Variants in AGBL1 observed in about 807,000 individuals in gnomAD.
AGBL1 encodes the protein cytosolic carboxypeptidase 4.
Under a neutral mutation model 118.9 loss-of-function variants are expected in AGBL1, and 130 were observed. That is an observed-to-expected ratio of 1.09 (90% CI 0.95 to 1.26). The LOEUF (loss-of-function observed/expected upper bound fraction) is 1.26. Ranked by LOEUF, AGBL1 falls within the 50% of genes most tolerant of loss-of-function variation. AGBL1 has a pLI of 0.00. For synonymous variants in AGBL1, 555 were observed against 478.9 expected, an observed-to-expected ratio of 1.16 and a Z score of -2.08; for missense variants, 1,584 against 1,298.1, an observed-to-expected ratio of 1.22 and a Z score of -3.38.
At chr15:86,820,301 T>C (rs1406593767) in intron 22 of AGBL1, among the ~76,000 whole-genome samples, 1 of 152,066 alleles carries the variant, frequency 6.6e-6, no homozygotes, top group Non-Finnish European at 1.5e-5. Flanking sequence ...TGGGAACCAA[T>C]TAAACTAAAG....
intron 24 of AGBL1, among the ~76,000 whole-genome samples, chr15:87,013,346 T>A (rs1314858311): frequency 2.0e-5 from 3 of 152,160 alleles, no homozygotes; most frequent in Non-Finnish European, 4.4e-5. Context: ...TGGCATTGAG[T>A]GCATCCCAAG....
intron 1 of AGBL1, among the ~76,000 whole-genome samples, chr15:86,083,028 T>G (rs562880631): frequency 9.2e-5 from 14 of 152,354 alleles, no homozygotes; most frequent in African/African-American, 3.1e-4. Context: ...CTGTGAGGAT[T>G]AAGAGAATAC....
At chr15:86,145,114 T>C (rs2077015642) in intron 3 of AGBL1, among the ~76,000 whole-genome samples, 1 of 152,162 alleles carries the variant, frequency 6.6e-6, no homozygotes, top group Non-Finnish European at 1.5e-5. Context: ...CCTCTTTGTG[T>C]AAGGACATCA....
At position 86,264,334 on chromosome 15, in the gene AGBL1, C is replaced by T. The variant is rs779833653; in HGVS notation, c.1163C>T (p.Ala388Val). 13 of 1,612,612 alleles carry T rather than the reference C, an allele frequency of 8.1e-6. 2 individuals carry two copies. The South Asian group carries it at 1.3e-4, about 16-fold the overall frequency. The change falls in exon 11 of 23, where the codon GCT becomes GTT. Residue 388 changes from alanine to valine, a missense_variant. Physicochemically the swap from Ala to Val is moderately conservative, Grantham distance 64. Transcript: ENST00000614907. ...QYANHHHIPA[A>V]ASSKQHCYSK... ...GCCAATCACCACCACATTCCAGCCG[C>T]TGCCTCCTCAAAACAGCATTGCTAC... is the stretch of plus-strand genomic sequence containing the variant.
intron 4 of AGBL1, among the ~76,000 whole-genome samples, chr15:86,156,240 C>T (rs1391949529): frequency 1.3e-5 from 2 of 152,098 alleles, no homozygotes; most frequent in East Asian, 3.9e-4. Flanking sequence ...TTTTTGAAGG[C>T]TACAATTTGG....
chr15:86,126,871 G>A (rs1181254142), intron 1 of AGBL1, among the ~76,000 whole-genome samples: 2 of 152,144 alleles, frequency 1.3e-5, no homozygotes, highest in African/African-American at 2.4e-5. Flanking sequence ...TGAGATTCCT[G>A]GATATATTTG....
At chr15:86,308,310 G>A (rs2079870660) in intron 17 of AGBL1, among the ~76,000 whole-genome samples, 1 of 152,084 alleles carries the variant, frequency 6.6e-6, no homozygotes, top group Admixed American at 6.6e-5. Context: ...TCATATGGGT[G>A]GGGCCCTGAT....
intron 22 of AGBL1, among the ~76,000 whole-genome samples, chr15:86,691,051 AT>A (rs964663832): frequency 1.1e-4 from 16 of 151,438 alleles, no homozygotes; most frequent in East Asian, 3.9e-4. Context: ...AGTAGGTTGC[AT>A]TTTTTTTTCC....
intron 6 of AGBL1, among the ~76,000 whole-genome samples, chr15:86,236,929 G>A (rs1187577398): frequency 2.2e-5 from 1 of 45,408 alleles, no homozygotes; most frequent in Non-Finnish European, 5.2e-5. Flanking sequence ...GGGGATATGT[G>A]GGCGGGGGGG....
At chr15:87,028,712 T>G (rs1216620737) in intron 24 of AGBL1, 17 of 878,372 alleles carry the variant, frequency 1.9e-5, no homozygotes, top group African/African-American at 1.7e-4. Flanking sequence ...AATCCATAGA[T>G]GAGGAAAATG....
intron 22 of AGBL1, among the ~76,000 whole-genome samples, chr15:86,801,228 A>C (rs2078644418): frequency 6.6e-6 from 1 of 151,990 alleles, no homozygotes; most frequent in Middle Eastern, 3.2e-3. Flanking sequence ...TCAGGGAGTA[A>C]AACTCTTTCT....
intron 22 of AGBL1, among the ~76,000 whole-genome samples, chr15:86,813,984 C>T (rs981387446): frequency 3.3e-4 from 50 of 152,098 alleles, no homozygotes; most frequent in African/African-American, 1.2e-3. Flanking sequence ...AGTCTAGATC[C>T]CTGTCTCATC....
intron 22 of AGBL1, among the ~76,000 whole-genome samples, chr15:86,740,507 G>T (rs2077662426): frequency 6.6e-6 from 1 of 152,170 alleles, no homozygotes; most frequent in Admixed American, 6.5e-5. Flanking sequence ...GATTCAAGAT[G>T]ATCCAAAATT....
intron 16 of AGBL1, among the ~76,000 whole-genome samples, chr15:86,291,820 C>G (rs2079549333): frequency 6.6e-6 from 1 of 152,156 alleles, no homozygotes; most frequent in African/African-American, 2.4e-5. Flanking sequence ...GGCTCCCTCC[C>G]AATCTCCAAT....
intron 18 of AGBL1, among the ~76,000 whole-genome samples, chr15:86,444,899 C>A (rs2082103907): frequency 1.3e-5 from 2 of 151,972 alleles, no homozygotes; most frequent in Non-Finnish European, 2.9e-5. Flanking sequence ...ATTTGGTTTC[C>A]CACAAAGTTG....
chr15:86,331,896 C>T (rs1435945061), intron 17 of AGBL1, among the ~76,000 whole-genome samples: 5 of 152,130 alleles, frequency 3.3e-5, no homozygotes, highest in African/African-American at 1.2e-4. Context: ...GTAGAAACTA[C>T]AAAGCAACAG....
chr15:86,702,925 G>C (rs1223110525), intron 22 of AGBL1, among the ~76,000 whole-genome samples: 1 of 151,438 alleles, frequency 6.6e-6, no homozygotes, highest in Non-Finnish European at 1.5e-5. Flanking sequence ...AGTGTAGATG[G>C]AAAAGAAATA....
chr15:86,397,069 A>G (rs1250730732), intron 17 of AGBL1, among the ~76,000 whole-genome samples: 1 of 152,134 alleles, frequency 6.6e-6, no homozygotes, highest in African/African-American at 2.4e-5. Flanking sequence ...TAGATCAGAT[A>G]TGTGTTAGGA....
intron 6 of AGBL1, among the ~76,000 whole-genome samples, chr15:86,228,853 C>A (rs1248833236): frequency 6.6e-6 from 1 of 152,306 alleles, no homozygotes; most frequent in African/African-American, 2.4e-5. Context: ...AATCCTAGTT[C>A]TCTTCTCCAG....
Sources: gnomAD v4.1 joint callset for allele counts (sites outside exome capture counted in the v4.1 genomes callset) on GRCh38, gnomAD v4.1.1 for gene constraint, MANE v1.5 for transcripts, NCBI Gene and HGNC (gene_info 2026-07-23, HGNC 2026-07-21) for gene names.